CACNA1E: variants seen among roughly 807,000 people sequenced by gnomAD.
CACNA1E encodes voltage-dependent R-type calcium channel subunit alpha-1E.
CACNA1E carries 40 observed loss-of-function variants against 259.2 expected under a neutral mutation model. The ratio of observed to expected loss-of-function variants is 0.15; its 90% CI spans 0.12 to 0.20. The LOEUF (loss-of-function observed/expected upper bound fraction) is 0.20, where lower values mean the gene tolerates loss of function less well. Among genes scored for constraint, CACNA1E ranks in the 10% least tolerant of loss-of-function variants. The pLI, the probability that CACNA1E is intolerant of heterozygous loss-of-function variation, is 1.00. For missense variants in CACNA1E, 1,874 were observed against 3,040.1 expected (o/e 0.62, Z 9.02); for synonymous variants, 1,104 against 1,138.5 (o/e 0.97, Z 0.61).
intron 47 of CACNA1E, among the ~76,000 whole-genome samples, chr1:181,797,433 G>A (rs1361104048): frequency 6.6e-6 from 1 of 152,112 alleles, no homozygotes; most frequent in Non-Finnish European, 1.5e-5. Context: ...CCCATAATAG[G>A]AGACCCCCTC....
chr1:181,719,214 A>G (rs773284164), intron 12 of CACNA1E, among the ~76,000 whole-genome samples: 2 of 152,238 alleles, frequency 1.3e-5, no homozygotes, highest in Non-Finnish European at 2.9e-5. Flanking sequence ...TAATTAAAAT[A>G]AAAGAAATAG....
At position 181,802,434 on chromosome 1, in the gene CACNA1E, C is replaced by T. The variant is rs1425014409; in HGVS notation, c.*3600C>T. 6.6e-6 allele frequency: 1 copy of T among 152,244 alleles called. No homozygotes were observed. Among genetic ancestry groups the T allele is most frequent in the African/African-American group, 2.4e-5 (1 of 41,452 alleles). 9.4% of individuals were successfully genotyped at this position (152,244 alleles called of 1,614,324 possible). A position where few individuals can be genotyped will look rare whatever the true frequency, so the allele number is the denominator to read the frequency against. ...CTCCCTTCTTTGCACAGATTCCTCC[C>T]AACCCCATAGAGCCTATGTGGTGAG... On this transcript the variant is annotated 3_prime_UTR_variant, in exon 48 of 48. Transcript: ENST00000367573.
At position 181,483,527 on chromosome 1, in the gene CACNA1E, A is replaced by T; in HGVS notation, c.-218A>T. ...TTTTTTTTTTTTTTCCTTCTTGAGG[A>T]ATGGAGCTTCGCAGAGGTTGCATTT... On this transcript the variant is annotated 5_prime_UTR_variant, in exon 1 of 48. Transcript: ENST00000367573. 1 of 272,132 alleles carries T rather than the reference A, an allele frequency of 3.7e-6. No individual in the cohort carries two copies. 16.9% of individuals were successfully genotyped at this position (272,132 alleles called of 1,614,324 possible).
At chr1:181,578,743 C>T (rs945779337) in intron 4 of CACNA1E, among the ~76,000 whole-genome samples, 3 of 152,184 alleles carry the variant, frequency 2.0e-5, no homozygotes, top group Non-Finnish European at 2.9e-5. Context: ...GTTTTCTTGG[C>T]TAGAATCCTA....
chr1:181,639,372 G>A (rs569254136), intron 6 of CACNA1E, among the ~76,000 whole-genome samples: 3 of 152,214 alleles, frequency 2.0e-5, no homozygotes, highest in Non-Finnish European at 4.4e-5. Context: ...ACAGGTGTGA[G>A]CCACCACGCC....
intron 3 of CACNA1E, among the ~76,000 whole-genome samples, chr1:181,522,676 C>T (rs1249933344): frequency 6.6e-6 from 1 of 152,124 alleles, no homozygotes; most frequent in African/African-American, 2.4e-5. Flanking sequence ...GCTCAAAGTG[C>T]TCTGTGAGTT....
chr1:181,761,264 A>T (rs1237731352), intron 32 of CACNA1E, among the ~76,000 whole-genome samples: 1 of 152,224 alleles, frequency 6.6e-6, no homozygotes, highest in African/African-American at 2.4e-5. Flanking sequence ...CATTAAATGT[A>T]ACTTCTCTCT....
intron 5 of CACNA1E, among the ~76,000 whole-genome samples, chr1:181,580,248 A>C (rs1003285454): frequency 6.6e-6 from 1 of 152,200 alleles, no homozygotes; most frequent in Non-Finnish European, 1.5e-5. Context: ...TGGAGTCTGA[A>C]GCCAGAAAAC....
At chr1:181,616,029 C>T (rs1258050203) in intron 6 of CACNA1E, among the ~76,000 whole-genome samples, 7 of 152,122 alleles carry the variant, frequency 4.6e-5, no homozygotes, top group Non-Finnish European at 1.0e-4. Context: ...TATAGTGAAT[C>T]ACATTGATTT....
intron 6 of CACNA1E, among the ~76,000 whole-genome samples, chr1:181,607,037 T>C (rs1654302052): frequency 6.6e-6 from 1 of 152,222 alleles, no homozygotes; most frequent in Non-Finnish European, 1.5e-5. Context: ...GAATGTTTAA[T>C]ACCATTCTAC....
At chr1:181,402,920 C>A (rs961082926) in intron 1 of CACNA1E, among the ~76,000 whole-genome samples, 7 of 152,300 alleles carry the variant, frequency 4.6e-5, no homozygotes, top group Admixed American at 2.6e-4. Flanking sequence ...CCTTGGGTAA[C>A]TTTCTGTGCC....
intron 2 of CACNA1E, among the ~76,000 whole-genome samples, chr1:181,426,221 C>T (rs907731255): frequency 5.9e-5 from 9 of 151,772 alleles, no homozygotes; most frequent in Middle Eastern, 3.2e-3. Context: ...CCAGTCCTAC[C>T]CCATCTCAAC....
intron 2 of CACNA1E, among the ~76,000 whole-genome samples, chr1:181,424,640 C>A (rs1020156240): frequency 1.3e-5 from 2 of 152,242 alleles, no homozygotes; most frequent in African/African-American, 4.8e-5. Flanking sequence ...CTCTGCCACT[C>A]CCTTTCTCTT....
rs556108821 is a variant in CACNA1E, at chr1:181,807,245, T to A, written c.*8411T>A. 13 of 152,208 alleles carry A rather than the reference T, an allele frequency of 8.5e-5. No homozygotes were observed. The South Asian group carries it at 2.5e-3, about 29-fold the overall frequency. 9.4% of individuals were successfully genotyped at this position (152,208 alleles called of 1,614,324 possible). A position where few individuals can be genotyped will look rare whatever the true frequency, so the allele number is the denominator to read the frequency against. On this transcript the variant is annotated 3_prime_UTR_variant, in exon 48 of 48. Transcript: ENST00000367573. ...AACAGATTTTCTAATCAGGACATTG[T>A]CCTGATCTGCAAGCGAGGAGTTTAA...
chr1:181,519,249 T>A (rs1344547383), intron 3 of CACNA1E, among the ~76,000 whole-genome samples: 1 of 152,218 alleles, frequency 6.6e-6, no homozygotes, highest in African/African-American at 2.4e-5. Context: ...TTGAAATATG[T>A]CTCCTCCTTT....
chr1:181,594,346 A>G lies in CACNA1E; in HGVS notation c.951+13570A>G, dbSNP rs189889432. 1.7e-3 allele frequency among the ~76,000 whole-genome samples: 255 copies of G among 152,334 alleles called. 5 individuals are homozygous for G. The highest frequency in any genetic ancestry group is 6.0e-3 in the African/African-American group (248 of 41,574). On this transcript the variant is annotated intron_variant, in intron 6 of 47. Coordinates refer to ENST00000367573, the MANE Select transcript of CACNA1E (RefSeq NM_001205293.3). ...AAGAATGAGTATTTTAGAAAACCAC[A>G]TAGGCTGGTATAGTGAATGCCATTT... is the stretch of plus-strand genomic sequence containing the variant.
At chr1:181,420,949 C>G (rs1301334098) in intron 2 of CACNA1E, among the ~76,000 whole-genome samples, 1 of 152,178 alleles carries the variant, frequency 6.6e-6, no homozygotes, top group Non-Finnish European at 1.5e-5. Flanking sequence ...GTCTCCTTTA[C>G]TTAGTACTGT....
At chr1:181,569,560 G>A (rs947442772) in intron 3 of CACNA1E, among the ~76,000 whole-genome samples, 10 of 152,192 alleles carry the variant, frequency 6.6e-5, no homozygotes, top group African/African-American at 2.4e-4. Flanking sequence ...TAATTTAAAA[G>A]AAATAGAGAG....
intron 6 of CACNA1E, among the ~76,000 whole-genome samples, chr1:181,645,522 CA>C (rs1658186496): frequency 6.6e-6 from 1 of 152,158 alleles, no homozygotes; most frequent in Non-Finnish European, 1.5e-5. Context: ...TTAATCTTTT[CA>C]CTGCCTTTCT....
Sources: allele counts gnomAD v4.1 joint callset (sites outside exome capture counted in the v4.1 genomes callset), GRCh38; gene constraint gnomAD v4.1.1; transcripts MANE v1.5; gene names NCBI Gene and HGNC (gene_info 2026-07-23, HGNC 2026-07-21).